The following AIF1L variants were observed in gnomAD, a reference collection of about 807,000 sequenced individuals.
AIF1L encodes the protein allograft inflammatory factor 1 like.
A neutral mutation model predicts 20.7 loss-of-function variants in AIF1L; 12 were observed. That is an observed-to-expected ratio of 0.58 (90% CI 0.37 to 0.94). The LOEUF (loss-of-function observed/expected upper bound fraction) is 0.94. AIF1L is among the 40% of genes least tolerant of loss of function. The pLI is 0.01. For synonymous variants in AIF1L, 76 were observed against 65.1 expected (o/e 1.17, Z -0.81); for missense variants, 173 against 185.3 (o/e 0.93, Z 0.39).
rs1215021932 is a variant in AIF1L at position 131,120,507 on chromosome 9, C to G, written c.*185C>G. ...TTAAAGGGGCTCTGGGTCGGGGAATCCTGAGCCTTGGGTCCCCTCCCTCTC... is the reference window on the plus strand; with the variant it reads ...TTAAAGGGGCTCTGGGTCGGGGAATGCTGAGCCTTGGGTCCCCTCCCTCTC... On this transcript the variant is annotated 3_prime_UTR_variant, in exon 6 of 6. Transcript: ENST00000247291. 1.8e-6 allele frequency: 1 copy of G among 546,018 alleles called. No individual in the cohort carries two copies. Among genetic ancestry groups the G allele is most frequent in the Non-Finnish European group, 3.2e-6 (1 of 311,882 alleles). 33.8% of individuals were successfully genotyped at this position (546,018 alleles called of 1,614,324 possible). A position where few individuals can be genotyped will look rare whatever the true frequency, so the allele number is the denominator to read the frequency against.
rs1169785380 is a variant in AIF1L, at chr9:131,107,979, G to A, written c.94-3618G>A. On this transcript the variant is annotated intron_variant, in intron 2 of 5. Transcript: ENST00000247291. ...AAGTCCTCGACAGAGCCAACTAGGA[G>A]GAGGGCGGCCTCCCAGGCTGCCGAA... The A allele has an allele frequency of 2.6e-5, 4 of 152,430 alleles. No individual in the cohort carries two copies. In the East Asian group the frequency reaches 7.7e-4, roughly 29 times the overall value. 9.4% of individuals were successfully genotyped at this position (152,430 alleles called of 1,614,324 possible).
chr9:131,108,582 G>A (rs897899190), intron 2 of AIF1L, among the ~76,000 whole-genome samples: 1 of 152,190 alleles, frequency 6.6e-6, no homozygotes, highest in African/African-American at 2.4e-5. Flanking sequence ...AATAGTGGCT[G>A]TGAGGATTTA....
In AIF1L at chr9:131,117,701, C is replaced by T. The variant is rs550223039; in HGVS notation, c.203-55C>T. 8.6e-6 allele frequency: 13 copies of T among 1,518,936 alleles called. No homozygotes were observed. In the South Asian group the frequency reaches 1.4e-4, roughly 17 times the overall value. 94.1% of individuals were successfully genotyped at this position (1,518,936 alleles called of 1,614,324 possible). A position where few individuals can be genotyped will look rare whatever the true frequency, so the allele number is the denominator to read the frequency against. On this transcript the variant is annotated intron_variant, in intron 4 of 5. Coordinates refer to ENST00000247291, the MANE Select transcript of AIF1L (RefSeq NM_031426.4). ...CCTGAGTGGAGCTTTCCCAGCTTCC[C>T]TGCTAAGCCCCAGCAGCCCATCTCC...
chr9:131,109,192 ATGAG>A (rs1310705287), intron 2 of AIF1L, among the ~76,000 whole-genome samples: 1 of 45,504 alleles, frequency 2.2e-5, no homozygotes, highest in Non-Finnish European at 4.9e-5. Context: ...AGAATGTTGA[ATGAG>A]TGAATGAATG....
intron 2 of AIF1L, among the ~76,000 whole-genome samples, chr9:131,102,704 C>A (rs766588914): frequency 6.6e-6 from 1 of 152,350 alleles, no homozygotes; most frequent in Middle Eastern, 3.4e-3. Flanking sequence ...GAATGTGAAC[C>A]CGCTGTCCTT....
intron 2 of AIF1L, 26 bp downstream of exon 2, chr9:131,096,889 G>T (rs1830540760): frequency 7.9e-6 from 12 of 1,516,668 alleles, no homozygotes; most frequent in Non-Finnish European, 1.1e-5. Flanking sequence ...AGGGCAGCAC[G>T]CGAGTCCCGA....
At chr9:131,115,407 G>T (rs544895943) in intron 4 of AIF1L, among the ~76,000 whole-genome samples, 2 of 116,450 alleles carry the variant, frequency 1.7e-5, no homozygotes, top group South Asian at 3.1e-4. Flanking sequence ...CCAAGATTGT[G>T]CCACTGCACT....
intron 3 of AIF1L, chr9:131,111,933 G>C (rs1000017386): frequency 4.0e-6 from 2 of 498,202 alleles, no homozygotes; most frequent in Non-Finnish European, 3.6e-6. Context: ...CACTGCCCAC[G>C]GGGCTCAGGC....
chr9:131,110,694 G>A (rs981861974), intron 2 of AIF1L, among the ~76,000 whole-genome samples: 1 of 151,150 alleles, frequency 6.6e-6, no homozygotes, highest in African/African-American at 2.4e-5. Flanking sequence ...ATAGAGACGG[G>A]GTTTCACTAT....
At position 131,123,114 on chromosome 9, in the gene AIF1L, C is replaced by T. The variant is rs1831180480; in HGVS notation, c.*2792C>T. 6.6e-6 allele frequency: 1 copy of T among 152,320 alleles called. No individual in the cohort carries two copies. The highest frequency in any genetic ancestry group is 2.4e-5 in the African/African-American group (1 of 41,438). 9.4% of individuals were successfully genotyped at this position (152,320 alleles called of 1,614,324 possible). ...GTGTGCGTGGACTGGGATATCATCT[C>T]TACAGCCTGCAAATAAACCAGACAA... On this transcript the variant is annotated 3_prime_UTR_variant, in exon 6 of 6. Coordinates refer to ENST00000247291, the MANE Select transcript of AIF1L (RefSeq NM_031426.4).
intron 2 of AIF1L, among the ~76,000 whole-genome samples, chr9:131,099,804 G>A (rs1455287192): frequency 6.8e-6 from 1 of 147,464 alleles, no homozygotes; most frequent in Non-Finnish European, 1.5e-5. Flanking sequence ...TCAGTTCACT[G>A]CAACCTCCGC....
rs1208282970 is a variant in AIF1L at position 131,120,342 on chromosome 9, C to T, written c.*20C>T. 2 of 1,581,268 alleles carry T rather than the reference C, an allele frequency of 1.3e-6. No individual in the cohort carries two copies. Among genetic ancestry groups the T allele is most frequent in the Non-Finnish European group, 1.7e-6 (2 of 1,160,992 alleles). On this transcript the variant is annotated 3_prime_UTR_variant, in exon 6 of 6. Transcript: ENST00000247291. ...CCCTGAGGACCCCGCCTGGACTCCC[C>T]AGCCTTCCCACCCCATACCTCCCTC...
intron 2 of AIF1L, chr9:131,106,308 C>G (rs1216020505): frequency 1.5e-6 from 2 of 1,345,430 alleles, no homozygotes; most frequent in Non-Finnish European, 2.1e-6. Context: ...ACTCATCCTG[C>G]ACATGTTTAT....
Position 131,120,320 on chromosome 9 carries a change from T to G in AIF1L, c.451T>G (p.Ter151GlyextTer36). The change falls in exon 6 of 6, where the codon TGA (stop) becomes GGA (glycine). Residue 151 changes from the stop codon to glycine (G), a stop_lost. Coordinates refer to ENST00000247291, the MANE Select transcript of AIF1L (RefSeq NM_031426.4). ...AGAGAGAGACATTGCTAGCCTGCCC[T>G]GAGGACCCCGCCTGGACTCCCCAGC... ...PPERDIASLP[*>G] is the part of the protein sequence containing the mutation. 1 of 1,611,320 alleles carries G rather than the reference T, an allele frequency of 6.2e-7. No individual in the cohort carries two copies. The highest frequency in any genetic ancestry group is 8.5e-7 in the Non-Finnish European group (1 of 1,178,970).
Position 131,121,163 on chromosome 9 carries a change from C to T in AIF1L, c.*841C>T. 1.4e-6 allele frequency: 1 copy of T among 709,760 alleles called. No individual in the cohort carries two copies. Among genetic ancestry groups the T allele is most frequent in the South Asian group, 1.5e-5 (1 of 65,544 alleles). The allele number at this position is 709,760 out of a possible 1,614,324, so 44.0% of individuals were successfully genotyped here. On this transcript the variant is annotated 3_prime_UTR_variant, in exon 6 of 6. Coordinates refer to ENST00000247291, the MANE Select transcript of AIF1L (RefSeq NM_031426.4). ...AGAATGAGGAGTAAAATGCTCACGG[C>T]AAAGTCAGCAGCACTGGTAAGCCAA... is the stretch of plus-strand genomic sequence containing the variant.
At chr9:131,118,913 A>G (rs1299866959) in intron 5 of AIF1L, among the ~76,000 whole-genome samples, 1 of 152,202 alleles carries the variant, frequency 6.6e-6, no homozygotes, top group Non-Finnish European at 1.5e-5. Flanking sequence ...AGAGTCAAAA[A>G]TTGGCCCCAA....
At chr9:131,101,420 C>T (rs1167056092) in intron 2 of AIF1L, among the ~76,000 whole-genome samples, 1 of 149,572 alleles carries the variant, frequency 6.7e-6, no homozygotes, top group Non-Finnish European at 1.5e-5. Context: ...GATCTCGGCT[C>T]ACTGCAGTCT....
intron 2 of AIF1L, chr9:131,106,336 G>A: frequency 9.0e-7 from 1 of 1,106,184 alleles, no homozygotes; most frequent in Non-Finnish European, 1.3e-6. Flanking sequence ...CTGCTATGTG[G>A]AACCTACATT....
chr9:131,112,422 A>G (rs1296156639), intron 3 of AIF1L: 1 of 152,294 alleles, frequency 6.6e-6, no homozygotes, highest in Non-Finnish European at 1.5e-5. Flanking sequence ...TGTTCCTCAA[A>G]TCACTTCCAG....
Sources: gnomAD v4.1 joint callset for allele counts (sites outside exome capture counted in the v4.1 genomes callset) on GRCh38, gnomAD v4.1.1 for gene constraint, MANE v1.5 for transcripts, NCBI Gene and HGNC (gene_info 2026-07-23, HGNC 2026-07-21) for gene names.